The following GABRB3 variants were observed in gnomAD, a reference collection of about 807,000 sequenced individuals.
The protein encoded by GABRB3 is gamma-aminobutyric acid type A receptor subunit beta3.
GABRB3 carries 14 observed loss-of-function variants against 52.1 expected under a neutral mutation model. The ratio of observed to expected loss-of-function variants is 0.27; its 90% CI spans 0.18 to 0.42. GABRB3 has a LOEUF of 0.42. Among genes scored for constraint, GABRB3 ranks in the 10% least tolerant of loss-of-function variants. GABRB3 has a pLI of 1.00. For synonymous variants in GABRB3, 260 were observed against 232.3 expected (o/e 1.12, Z -1.08); for missense variants, 307 against 609.1 (o/e 0.50, Z 5.22).
At chr15:26,583,776 CT>C (rs1890874320) in intron 4 of GABRB3, among the ~76,000 whole-genome samples, 1 of 133,972 alleles carries the variant, frequency 7.5e-6, no homozygotes, top group Admixed American at 7.8e-5. Flanking sequence ...ATTGTATCAC[CT>C]ATTTTTTTTT....
At chr15:26,581,071 A>G in intron 5 of GABRB3, 1 of 190,378 alleles carries the variant, frequency 5.3e-6, no homozygotes, top group Non-Finnish European at 1.1e-5. Context: ...ATCAGAAAGA[A>G]CAGTGGTCGT....
At chr15:26,645,162 A>G (rs758959902) in intron 3 of GABRB3, among the ~76,000 whole-genome samples, 11 of 152,116 alleles carry the variant, frequency 7.2e-5, no homozygotes, top group Admixed American at 1.3e-4. Flanking sequence ...AGGGTGCTTG[A>G]GCCCAGGAAT....
intron 4 of GABRB3, among the ~76,000 whole-genome samples, chr15:26,609,502 A>G (rs1891984554): frequency 6.6e-6 from 1 of 152,176 alleles, no homozygotes; most frequent in East Asian, 1.9e-4. Context: ...AAACTCTCAT[A>G]AGTCAGTCAA....
At chr15:26,710,929 T>A (rs1889274013) in intron 3 of GABRB3, among the ~76,000 whole-genome samples, 1 of 151,894 alleles carries the variant, frequency 6.6e-6, no homozygotes, top group Non-Finnish European at 1.5e-5. Flanking sequence ...TCAGTTCTCC[T>A]GGGAGACTGT....
chr15:26,568,285 C>T (rs909362491), intron 6 of GABRB3, among the ~76,000 whole-genome samples: 1 of 152,114 alleles, frequency 6.6e-6, no homozygotes, highest in South Asian at 2.1e-4. Flanking sequence ...AGGGCTTCTG[C>T]TTCGGCCACA....
chr15:26,734,379 A>T (rs2873097), intron 3 of GABRB3, among the ~76,000 whole-genome samples: 64,771 of 151,940 alleles, frequency 0.43, 16,216 homozygotes, highest in Admixed American at 0.59. Flanking sequence ...TCTTCACAAC[A>T]TTGTATTTAG....
chr15:26,599,854 C>A lies in GABRB3; in HGVS notation c.462-16440G>T, dbSNP rs143845598. 2.7e-3 allele frequency among the ~76,000 whole-genome samples: 407 copies of A among 152,096 alleles called. 1 individual carries two copies. The highest frequency in any genetic ancestry group is 3.2e-3 in the Non-Finnish European group (221 of 68,004). On this transcript the variant is annotated intron_variant, in intron 4 of 8. Coordinates refer to ENST00000311550, the MANE Select transcript of GABRB3 (RefSeq NM_000814.6). ...TAAAAAGAATCGAGAAATCATGACA[C>A]CTCTAAAAGAATTAATAAAGCTCCA...
rs76415532 is a variant in GABRB3 at position 26,708,693 on chromosome 15, G to A, written c.240+63709C>T. 4.3e-3 allele frequency among the ~76,000 whole-genome samples: 655 copies of A among 152,344 alleles called. 7 individuals carry two copies. Among genetic ancestry groups the A allele is most frequent in the African/African-American group, 0.014 (596 of 41,584 alleles). The stretch of plus-strand genomic sequence containing the variant: ...CATGTGCAAAAGACCTGAAGTGGAA[G>A]ATAGCACGCCACATCCATGGGCATC... On this transcript the variant is annotated intron_variant, in intron 3 of 8. Coordinates refer to ENST00000311550, the MANE Select transcript of GABRB3 (RefSeq NM_000814.6).
chr15:26,703,149 G>C (rs1888989805), intron 3 of GABRB3, among the ~76,000 whole-genome samples: 2 of 152,112 alleles, frequency 1.3e-5, no homozygotes, highest in African/African-American at 2.4e-5. Context: ...ACTCCATTTT[G>C]TACTGCCATA....
intron 3 of GABRB3, among the ~76,000 whole-genome samples, chr15:26,671,144 A>G (rs1720027647): frequency 6.6e-6 from 1 of 152,252 alleles, no homozygotes; most frequent in Non-Finnish European, 1.5e-5. Flanking sequence ...ATGCCAATCA[A>G]GAAGAGAAAT....
At position 26,621,274 on chromosome 15, in the gene GABRB3, CCATGCAA is replaced by C. The variant is rs1566778672; in HGVS notation, c.461+33_461+39del. 6.7e-7 allele frequency: 1 copy of C among 1,496,582 alleles called. No homozygotes were observed. The highest frequency in any genetic ancestry group is 9.3e-7 in the Non-Finnish European group (1 of 1,074,662). 92.7% of individuals were successfully genotyped at this position (1,496,582 alleles called of 1,614,324 possible). On this transcript the variant is annotated intron_variant, in intron 4 of 8. Coordinates refer to ENST00000311550, the MANE Select transcript of GABRB3 (RefSeq NM_000814.6). The surrounding 1 kb of genome is among the most constrained non-coding windows in gnomAD (Gnocchi z 4.1). ...AAGTGAGATATTCAACACCCATGCA[CCATGCAA>C]CAGCAAAATTGGTCCTGAAGAGGCA...
rs185246524 is a variant in GABRB3 at position 26,634,918 on chromosome 15, C to T, written c.241-13384G>A. Among the ~76,000 whole-genome samples the T allele has an allele frequency of 1.4e-3, 194 of 138,366 alleles. 1 individual carries two copies. The highest frequency in any genetic ancestry group is 4.6e-3 in the Admixed American group (63 of 13,702). 90.8% of individuals were successfully genotyped at this position (138,366 alleles called of 152,430 possible). A position where few individuals can be genotyped will look rare whatever the true frequency, so the allele number is the denominator to read the frequency against. ...TTTAAAAATTATATATATCTCTCTC[C>T]AAATATTAGATAATCTCTAAAGATT... On this transcript the variant is annotated intron_variant, in intron 3 of 8. Coordinates refer to ENST00000311550, the MANE Select transcript of GABRB3 (RefSeq NM_000814.6).
chr15:26,578,086 C>G (rs1595454649), intron 6 of GABRB3, among the ~76,000 whole-genome samples: 1 of 152,330 alleles, frequency 6.6e-6, no homozygotes, highest in African/African-American at 2.4e-5. Flanking sequence ...TGTGCCCAGC[C>G]TCTAATCCCC....
At chr15:26,553,808 T>A (rs531807279) in intron 8 of GABRB3, among the ~76,000 whole-genome samples, 1 of 151,870 alleles carries the variant, frequency 6.6e-6, no homozygotes, top group South Asian at 2.1e-4. Context: ...GGGGTCTAAC[T>A]GATGAGACCT....
intron 3 of GABRB3, among the ~76,000 whole-genome samples, chr15:26,662,252 T>C (rs895291705): frequency 6.6e-6 from 1 of 152,198 alleles, no homozygotes. Flanking sequence ...AAAGCATGAA[T>C]GCTACAATTC....
intron 6 of GABRB3, among the ~76,000 whole-genome samples, chr15:26,574,005 T>C (rs1890505173): frequency 6.6e-6 from 1 of 152,192 alleles, no homozygotes; most frequent in African/African-American, 2.4e-5. Flanking sequence ...GAGCCAAGAT[T>C]GTGCCACTGC....
chr15:26,593,845 T>C (rs888139670), intron 4 of GABRB3, among the ~76,000 whole-genome samples: 5 of 151,722 alleles, frequency 3.3e-5, no homozygotes, highest in African/African-American at 1.2e-4. Flanking sequence ...GTGGATCATA[T>C]GTTAATTTTA....
chr15:26,655,961 A>G (rs1379556018), intron 3 of GABRB3, among the ~76,000 whole-genome samples: 1 of 152,106 alleles, frequency 6.6e-6, no homozygotes, highest in African/African-American at 2.4e-5. Flanking sequence ...TTATCATAGC[A>G]TTCTTTTTAT....
chr15:26,578,623 C>A (rs1256351978), intron 6 of GABRB3, among the ~76,000 whole-genome samples: 3 of 152,214 alleles, frequency 2.0e-5, no homozygotes, highest in Non-Finnish European at 4.4e-5. Context: ...CTACAAACAC[C>A]TCACCTGGCT....
Sources: allele counts gnomAD v4.1 joint callset (sites outside exome capture counted in the v4.1 genomes callset), GRCh38; gene constraint gnomAD v4.1.1; non-coding constraint Gnocchi (gnomAD v3.1); transcripts MANE v1.5; gene names NCBI Gene and HGNC (gene_info 2026-07-23, HGNC 2026-07-21).